Variants in ADK observed in about 807,000 individuals in gnomAD.
ADK encodes the protein N6,N6-dimethyladenosine kinase.
In ADK, 24 loss-of-function variants were observed where a neutral mutation model predicts 44.7. That is an observed-to-expected ratio of 0.54 (90% CI 0.39 to 0.76). The LOEUF is 0.76. Ranked by LOEUF, ADK falls within the 30% of genes least tolerant of loss-of-function variation. The probability of loss-of-function intolerance (pLI) is 0.00; values close to 1 mark genes in which losing one functional copy is unlikely to be tolerated. For missense variants in ADK, 321 were observed against 425.1 expected, an observed-to-expected ratio of 0.76 and a Z score of 2.15; for synonymous variants, 128 against 142.6, an observed-to-expected ratio of 0.90 and a Z score of 0.73.
chr10:74,658,144 A>G (rs958344211), intron 9 of ADK, among the ~76,000 whole-genome samples: 7 of 152,226 alleles, frequency 4.6e-5, no homozygotes, highest in Non-Finnish European at 8.8e-5. Flanking sequence ...AGTTTTTAAC[A>G]GGGGAATAAC....
chr10:74,377,595 G>C (rs914684698), intron 4 of ADK, among the ~76,000 whole-genome samples: 1 of 152,282 alleles, frequency 6.6e-6, no homozygotes, highest in East Asian at 1.9e-4. Flanking sequence ...CCAGTCCATG[G>C]TCAATTGTCG....
chr10:74,449,479 T>C (rs1235489913), intron 6 of ADK, among the ~76,000 whole-genome samples: 1 of 152,210 alleles, frequency 6.6e-6, no homozygotes, highest in Non-Finnish European at 1.5e-5. Flanking sequence ...ATAAAGTTTT[T>C]TGAAAAAAGA....
intron 4 of ADK, among the ~76,000 whole-genome samples, chr10:74,337,019 G>T (rs921153914): frequency 4.6e-5 from 7 of 152,066 alleles, no homozygotes; most frequent in African/African-American, 1.4e-4. Flanking sequence ...CTTATTTATT[G>T]TCACTACCTT....
intron 6 of ADK, among the ~76,000 whole-genome samples, chr10:74,432,091 C>T (rs1015764902): frequency 6.6e-5 from 10 of 151,894 alleles, no homozygotes; most frequent in Admixed American, 2.6e-4. Flanking sequence ...CTACTCGAGA[C>T]GCTGAGGTGG....
intron 10 of ADK, among the ~76,000 whole-genome samples, chr10:74,678,800 G>A (rs1459936243): frequency 6.6e-6 from 1 of 151,004 alleles, no homozygotes; most frequent in Non-Finnish European, 1.5e-5. Context: ...CAAAATATAT[G>A]TGTGTTAGTT....
Position 74,226,108 on chromosome 10 carries a change from C to CT in ADK, c.194+1526dup, listed in dbSNP as rs986283001. ...TGGCGAACTGATACTTTTTTCTTAC[C>CT]TTTTTTTTTGTTTTTTTGAGACAGA... On this transcript the variant is annotated intron_variant, in intron 3 of 10. Coordinates refer to ENST00000539909, the MANE Select transcript of ADK (RefSeq NM_006721.4). Among the ~76,000 whole-genome samples, 22 of 150,722 alleles carry CT rather than the reference C, an allele frequency of 1.5e-4. No individual in the cohort carries two copies. The East Asian group carries it at 3.5e-3, about 24-fold the overall frequency.
At chr10:74,565,185 G>A (rs1850612070) in intron 7 of ADK, among the ~76,000 whole-genome samples, 1 of 152,174 alleles carries the variant, frequency 6.6e-6, no homozygotes, top group Non-Finnish European at 1.5e-5. Flanking sequence ...AGTTAAAAAC[G>A]TGTTCAGAGA....
At chr10:74,343,900 G>GC (rs1239488445) in intron 4 of ADK, among the ~76,000 whole-genome samples, 1 of 152,142 alleles carries the variant, frequency 6.6e-6, no homozygotes, top group Non-Finnish European at 1.5e-5. Flanking sequence ...GAGCAACCAT[G>GC]CCTGGCTGCC....
chr10:74,472,377 A>G (rs892296605), intron 6 of ADK, among the ~76,000 whole-genome samples: 1 of 151,818 alleles, frequency 6.6e-6, no homozygotes, highest in Non-Finnish European at 1.5e-5. Context: ...AAGATGTTGA[A>G]TTTTGCCAAA....
At chr10:74,509,236 A>G (rs1025663077) in intron 6 of ADK, 2 of 150,878 alleles carry the variant, frequency 1.3e-5, no homozygotes, top group African/African-American at 4.9e-5. Flanking sequence ...CTCTGTCGCC[A>G]GGTTGGAGTG....
At position 74,708,318 on chromosome 10, in the gene ADK, T is replaced by A; in HGVS notation, c.965-3T>A. 1 of 1,610,532 alleles carries A rather than the reference T, an allele frequency of 6.2e-7. No homozygotes were observed. The highest frequency in any genetic ancestry group is 8.5e-7 in the Non-Finnish European group (1 of 1,179,098). On this transcript the variant is annotated splice_region_variant and splice_polypyrimidine_tract_variant and intron_variant, in intron 10 of 10. Transcript: ENST00000539909. ...CATGTGTTTTTTTTTGCCTGTGTTC[T>A]AGGTTTTCTGTCTCAACTGGTCTCT...
chr10:74,471,542 G>A (rs1170749931), intron 6 of ADK, among the ~76,000 whole-genome samples: 2 of 152,074 alleles, frequency 1.3e-5, no homozygotes, highest in Admixed American at 6.5e-5. Context: ...GCAAAAAAAT[G>A]TCATTGGGAT....
intron 4 of ADK, among the ~76,000 whole-genome samples, chr10:74,342,208 G>A (rs967399174): frequency 1.4e-4 from 21 of 152,068 alleles, no homozygotes; most frequent in Non-Finnish European, 2.5e-4. Flanking sequence ...TAGGGATTGT[G>A]TTGAATCTCT....
rs548447751 is a variant in ADK, at chr10:74,152,133, CT to C, written c.65+791del. Among the ~76,000 whole-genome samples, 481 of 152,176 alleles carry C rather than the reference CT, an allele frequency of 3.2e-3. 2 individuals are homozygous for C. The highest frequency in any genetic ancestry group is 0.02 in the Middle Eastern group (6 of 294). ...TCCATCTTAAAATAGACATATCAAA[CT>C]GATTTAAAACTATTAGGACACTCCT... On this transcript the variant is annotated intron_variant, in intron 1 of 10. Coordinates refer to ENST00000539909, the MANE Select transcript of ADK (RefSeq NM_006721.4).
At position 74,478,139 on chromosome 10, in the gene ADK, C is replaced by A. The variant is rs567906573; in HGVS notation, c.556-47117C>A. Among the ~76,000 whole-genome samples the A allele has an allele frequency of 7.9e-5, 12 of 152,240 alleles. No homozygotes were observed. In the East Asian group the frequency reaches 1.7e-3, roughly 22 times the overall value. On this transcript the variant is annotated intron_variant, in intron 6 of 10. Coordinates refer to ENST00000539909, the MANE Select transcript of ADK (RefSeq NM_006721.4). Reference sequence around the variant, plus strand: ...GTCTATGCTGATCTCCAACTCCTGGCTTCAACCAATTCTACTGCCTCAGCC... The same window carrying A: ...GTCTATGCTGATCTCCAACTCCTGGATTCAACCAATTCTACTGCCTCAGCC...
At chr10:74,468,150 T>C (rs533297684) in intron 6 of ADK, among the ~76,000 whole-genome samples, 1 of 152,304 alleles carries the variant, frequency 6.6e-6, no homozygotes, top group Admixed American at 6.5e-5. Context: ...GCAAGTAGTA[T>C]TAAAAGGCCC....
chr10:74,580,187 G>T (rs1232520092), intron 7 of ADK, among the ~76,000 whole-genome samples: 1 of 152,138 alleles, frequency 6.6e-6, no homozygotes, highest in Non-Finnish European at 1.5e-5. Context: ...CGTGTTGTGG[G>T]ACCCAGTGGG....
At chr10:74,246,024 TA>T (rs893376243) in intron 3 of ADK, among the ~76,000 whole-genome samples, 4 of 151,718 alleles carry the variant, frequency 2.6e-5, no homozygotes, top group Admixed American at 6.6e-5. Flanking sequence ...ATATTCAGGT[TA>T]AAAAAAATCA....
chr10:74,699,324 GT>G (rs546893651), intron 10 of ADK, among the ~76,000 whole-genome samples: 8 of 146,742 alleles, frequency 5.5e-5, no homozygotes, highest in African/African-American at 1.5e-4. Context: ...GTTATTGTTG[GT>G]TTTTTTTTTC....
Sources: allele counts gnomAD v4.1 joint callset (sites outside exome capture counted in the v4.1 genomes callset), GRCh38; gene constraint gnomAD v4.1.1; transcripts MANE v1.5; gene names NCBI Gene and HGNC (gene_info 2026-07-23, HGNC 2026-07-21).